BLTP3A: variants seen among roughly 807,000 people sequenced by gnomAD.
The protein encoded by BLTP3A is ICBP90 binding protein 1.
At chr6:34,804,909 T>G in the BLTP3A span, among the ~76,000 whole-genome samples, 1,059 of 152,324 alleles carry the variant, frequency 7.0e-3, 4 homozygotes, top group Non-Finnish European at 0.011. Context: ...GGCAAGTTAT[T>G]TGACCTTTCT....
At chr6:34,825,100 C>T in the BLTP3A span, among the ~76,000 whole-genome samples, 1 of 152,096 alleles carries the variant, frequency 6.6e-6, no homozygotes, top group African/African-American at 2.4e-5. Context: ...ACCATTTATT[C>T]TTTGTAGGAA....
chr6:34,835,602 A>ACGTG, the BLTP3A span: 11 of 942,814 alleles, frequency 1.2e-5, no homozygotes, highest in Non-Finnish European at 1.7e-5. Context: ...CTTTGCCTGC[A>ACGTG]CCTCTGATTT....
the BLTP3A span, chr6:34,873,348 T>G: frequency 6.6e-6 from 1 of 152,404 alleles, no homozygotes; most frequent in African/African-American, 2.4e-5. Context: ...CCCTGGCACA[T>G]CTGCTTTCCC....
the BLTP3A span, among the ~76,000 whole-genome samples, chr6:34,796,736 T>C: frequency 6.6e-6 from 1 of 152,220 alleles, no homozygotes; most frequent in Non-Finnish European, 1.5e-5. Context: ...GCCCTGCCAC[T>C]AATCAGCAGG....
the BLTP3A span, among the ~76,000 whole-genome samples, chr6:34,802,600 A>G: frequency 6.6e-6 from 1 of 152,014 alleles, no homozygotes; most frequent in South Asian, 2.1e-4. Context: ...ACCTCAGGTG[A>G]TCCGCCTGCC....
At chr6:34,801,617 T>C in the BLTP3A span, among the ~76,000 whole-genome samples, 5 of 152,346 alleles carry the variant, frequency 3.3e-5, no homozygotes, top group South Asian at 2.1e-4. Context: ...TGTCGTTAGA[T>C]GTTTATGTAG....
chr6:34,859,703 G>C, the BLTP3A span: 1 of 1,373,574 alleles, frequency 7.3e-7, no homozygotes, highest in Non-Finnish European at 9.9e-7. Flanking sequence ...GCATAGAATG[G>C]CCTATTTAAT....
chr6:34,845,179 G>C, the BLTP3A span, among the ~76,000 whole-genome samples: 1 of 152,100 alleles, frequency 6.6e-6, no homozygotes, highest in Non-Finnish European at 1.5e-5. Flanking sequence ...TAGATGTATG[G>C]ATTTGTTTCT....
chr6:34,844,543 A>G, the BLTP3A span, among the ~76,000 whole-genome samples: 1 of 152,078 alleles, frequency 6.6e-6, no homozygotes, highest in East Asian at 1.9e-4. Flanking sequence ...CTAAAGTGCT[A>G]GGATTACAGG....
chr6:34,806,587 T>G, the BLTP3A span, among the ~76,000 whole-genome samples: 1 of 152,242 alleles, frequency 6.6e-6, no homozygotes, highest in African/African-American at 2.4e-5. Flanking sequence ...ATCCTCAGTT[T>G]CTTCCTTGGG....
the BLTP3A span, among the ~76,000 whole-genome samples, chr6:34,819,147 T>G: frequency 9.3e-3 from 1,277 of 137,898 alleles, 19 homozygotes; most frequent in African/African-American, 0.031. Flanking sequence ...TTTTCTTTTT[T>G]TTTTTTTACT....
chr6:34,841,137 C>T, the BLTP3A span, among the ~76,000 whole-genome samples: 1 of 151,972 alleles, frequency 6.6e-6, no homozygotes, highest in East Asian at 1.9e-4. Context: ...GTCCAGCTCA[C>T]ATTATTTTTA....
chr6:34,866,819 A>G, the BLTP3A span, among the ~76,000 whole-genome samples: 2 of 152,188 alleles, frequency 1.3e-5, no homozygotes, highest in Non-Finnish European at 2.9e-5. Context: ...ACCTCATATA[A>G]GTGGAATCAT....
chr6:34,858,874 C>T, the BLTP3A span: 2 of 1,614,150 alleles, frequency 1.2e-6, no homozygotes, highest in East Asian at 2.2e-5. Context: ...GGCTCTGCTT[C>T]GCCTGAAGGA....
chr6:34,839,023 G>A, the BLTP3A span, among the ~76,000 whole-genome samples: 1 of 152,204 alleles, frequency 6.6e-6, no homozygotes, highest in East Asian at 1.9e-4. Flanking sequence ...GGCCAAGGCG[G>A]GTGGATCACC....
the BLTP3A span, among the ~76,000 whole-genome samples, chr6:34,853,249 G>A: frequency 5.3e-5 from 8 of 152,156 alleles, no homozygotes; most frequent in African/African-American, 1.9e-4. Flanking sequence ...ATGTGATCAC[G>A]GCTCACTGCG....
At chr6:34,877,181 G>A in the BLTP3A span, 1 of 152,626 alleles carries the variant, frequency 6.6e-6, no homozygotes, top group South Asian at 2.1e-4. Flanking sequence ...TTCCCCCACT[G>A]AGGGTGCTAA....
the BLTP3A span, among the ~76,000 whole-genome samples, chr6:34,840,337 G>C: frequency 3.3e-5 from 5 of 151,104 alleles, no homozygotes; most frequent in Non-Finnish European, 2.9e-5. Flanking sequence ...TGGGTCACCT[G>C]AGGTCAGGAG....
At chr6:34,859,038 C>G in the BLTP3A span, 2 of 1,614,194 alleles carry the variant, frequency 1.2e-6, no homozygotes, top group Non-Finnish European at 1.7e-6. Context: ...TCGATGCTGA[C>G]TCTGCAGGCT....
Sources: gnomAD v4.1 joint callset for allele counts (sites outside exome capture counted in the v4.1 genomes callset) on GRCh38, gnomAD v4.1.1 for gene constraint, MANE v1.5 for transcripts, NCBI Gene and HGNC (gene_info 2026-07-23, HGNC 2026-07-21) for gene names.